Variants in IKBIP observed in about 807,000 individuals in gnomAD.
IKBIP encodes the protein IKBKB interacting protein.
In IKBIP, 28 loss-of-function variants were observed where a neutral mutation model predicts 31.0. The observed-to-expected ratio is 0.90, with a 90% CI of 0.67 to 1.24. The LOEUF is 1.24. Ranked by LOEUF, IKBIP falls within the 50% of genes most tolerant of loss-of-function variation. The pLI is 0.00. For missense variants in IKBIP, 453 were observed against 441.9 expected (o/e 1.03, Z -0.23); for synonymous variants, 164 against 160.3 (o/e 1.02, Z -0.17).
chr12:98,632,483 GAAAAAAAAAAA>G (rs71081871), intron 2 of IKBIP, among the ~76,000 whole-genome samples: 21 of 11,500 alleles, frequency 1.8e-3, no homozygotes, highest in African/African-American at 6.2e-3. Context: ...GACTCTATCT[GAAAAAAAAAAA>G]AAAAAAAAAA....
At chr12:98,631,212 G>C (rs2097619883) in intron 2 of IKBIP, among the ~76,000 whole-genome samples, 1 of 151,594 alleles carries the variant, frequency 6.6e-6, no homozygotes, top group African/African-American at 2.4e-5. Context: ...GGGATTACAG[G>C]TGTGAGCCAC....
chr12:98,625,183 A>G lies in IKBIP; in HGVS notation c.*747T>C. ...GTTGGAACCTAAAACTCAGGTATAT[A>G]AAGATATTTCAAAGATTTATATACA... On this transcript the variant is annotated 3_prime_UTR_variant, in exon 3 of 3. Transcript: ENST00000299157. 1.0e-6 allele frequency: 1 copy of G among 984,316 alleles called. No homozygotes were observed. The highest frequency in any genetic ancestry group is 1.7e-5 in the African/African-American group (1 of 57,352). The allele number at this position is 984,316 out of a possible 1,614,324, so 61.0% of individuals were successfully genotyped here.
chr12:98,614,198 A>G (rs1361341597), exon 3 of IKBIP: 1 of 1,613,980 alleles, frequency 6.2e-7, no homozygotes. Flanking sequence ...AAGCGTCGTC[A>G]GACTGTTGTT....
chr12:98,641,808 C>T (rs1359697347), intron 1 of IKBIP, among the ~76,000 whole-genome samples: 21 of 151,910 alleles, frequency 1.4e-4, no homozygotes, highest in Non-Finnish European at 3.1e-4. Flanking sequence ...GCGAATGCCA[C>T]CACACTTGGC....
downstream of IKBIP, among the ~76,000 whole-genome samples, chr12:98,623,122 G>A (rs897742041): frequency 6.6e-6 from 1 of 150,830 alleles, no homozygotes; most frequent in African/African-American, 2.5e-5. Flanking sequence ...GGGATTACAG[G>A]CGCCTGCTAC....
chr12:98,620,451 C>T (rs1369658364), downstream of IKBIP, among the ~76,000 whole-genome samples: 2 of 152,002 alleles, frequency 1.3e-5, no homozygotes. Flanking sequence ...ACTGCAACCC[C>T]TGCCTCCTGG....
At chr12:98,621,162 T>C (rs1023523188), downstream of IKBIP, among the ~76,000 whole-genome samples, 3 of 152,094 alleles carry the variant, frequency 2.0e-5, no homozygotes, top group South Asian at 2.1e-4. Flanking sequence ...GGCAGGAGAA[T>C]TGCTTAAACC....
intron 2 of IKBIP, among the ~76,000 whole-genome samples, chr12:98,616,021 G>A (rs1338228450): frequency 1.3e-5 from 2 of 151,960 alleles, no homozygotes; most frequent in Non-Finnish European, 2.9e-5. Flanking sequence ...CCAGAAGTGG[G>A]ATTGCTGGAT....
chr12:98,631,058 G>C (rs1003172533), intron 2 of IKBIP, among the ~76,000 whole-genome samples: 1 of 151,168 alleles, frequency 6.6e-6, no homozygotes, highest in Admixed American at 6.6e-5. Flanking sequence ...TCAGCCTCCC[G>C]AGTAGCTGGG....
chr12:98,621,882 C>T (rs1390660466), downstream of IKBIP, among the ~76,000 whole-genome samples: 1 of 151,812 alleles, frequency 6.6e-6, no homozygotes, highest in African/African-American at 2.4e-5. Context: ...TCGAGACCAT[C>T]CTGGCCAACA....
At chr12:98,616,843 T>A (rs1399765162) in intron 2 of IKBIP, among the ~76,000 whole-genome samples, 2 of 152,212 alleles carry the variant, frequency 1.3e-5, no homozygotes, top group Non-Finnish European at 2.9e-5. Context: ...TCTATGTTTT[T>A]TTTTTAAATG....
chr12:98,620,372 A>AT (rs879561952), downstream of IKBIP, among the ~76,000 whole-genome samples: 562 of 142,556 alleles, frequency 3.9e-3, 1 homozygote, highest in South Asian at 0.014. Context: ...TTGCTAAAGG[A>AT]TTTTTTTTTT....
chr12:98,625,229 T>C lies in IKBIP; in HGVS notation c.*701A>G. The stretch of plus-strand genomic sequence containing the variant: ...ATACACATAATTCCTAAGAAAGGCC[T>C]TATGTAAGAACATACTTACTCTGAT... On this transcript the variant is annotated 3_prime_UTR_variant, in exon 3 of 3. Coordinates refer to ENST00000299157, the MANE Select transcript of IKBIP (RefSeq NM_153687.4). 2.0e-6 allele frequency: 2 copies of C among 977,348 alleles called. No individual in the cohort carries two copies. Among genetic ancestry groups the C allele is most frequent in the Non-Finnish European group, 1.2e-6 (1 of 822,554 alleles). The allele number at this position is 977,348 out of a possible 1,614,324, so 60.5% of individuals were successfully genotyped here. A position where few individuals can be genotyped will look rare whatever the true frequency, so the allele number is the denominator to read the frequency against.
At chr12:98,617,259 A>C (rs1394046026) in intron 2 of IKBIP, among the ~76,000 whole-genome samples, 1 of 152,240 alleles carries the variant, frequency 6.6e-6, no homozygotes, top group Non-Finnish European at 1.5e-5. Flanking sequence ...TTCTGATTCC[A>C]AATGCAGCTG....
chr12:98,632,797 T>C (rs956419545), intron 2 of IKBIP, among the ~76,000 whole-genome samples: 3 of 151,538 alleles, frequency 2.0e-5, no homozygotes, highest in Non-Finnish European at 4.4e-5. Flanking sequence ...GCTAATATTT[T>C]TGTATTTTTA....
chr12:98,619,949 C>T (rs1402730456), downstream of IKBIP, among the ~76,000 whole-genome samples: 1 of 150,344 alleles, frequency 6.7e-6, no homozygotes, highest in Non-Finnish European at 1.5e-5. Context: ...GATGGAGTCT[C>T]ACTCTATTGC....
At position 98,638,292 on chromosome 12, in the gene IKBIP, A is replaced by C. The variant is rs528507074; in HGVS notation, c.180-3879T>G. Among the ~76,000 whole-genome samples, 11 of 152,054 alleles carry C rather than the reference A, an allele frequency of 7.2e-5. No individual in the cohort carries two copies. The East Asian group carries it at 2.1e-3, about 30-fold the overall frequency. On this transcript the variant is annotated intron_variant, in intron 1 of 2. Coordinates refer to ENST00000299157, the MANE Select transcript of IKBIP (RefSeq NM_153687.4). ...TGAAGTGGGGATAATACCTTATTTT[A>C]ATCTTATTTTTTAAAGACAAGATCT...
chr12:98,613,783 A>T lies in IKBIP; in HGVS notation c.855T>A (p.Tyr285Ter). The change falls in exon 3 of 3, where the codon TAT (tyrosine) becomes TAA (stop). Residue 285 changes from tyrosine (Y) to a stop codon, truncating the protein, a stop_gained. Coordinates refer to the IKBIP transcript ENST00000342502. LOFTEE classifies it high-confidence loss of function. ...AACGGGAAAAGTCCTTCTTTAGATT[A>T]TACACCTTTGGTTTTAGATCATTTG... The T allele has an allele frequency of 1.2e-6, 2 of 1,611,080 alleles. No homozygotes were observed. Among genetic ancestry groups the T allele is most frequent in the Non-Finnish European group, 8.5e-7 (1 of 1,179,048 alleles).
exon 3 of IKBIP, chr12:98,614,094 T>A (rs764743770): frequency 6.2e-7 from 1 of 1,613,124 alleles, no homozygotes; most frequent in East Asian, 2.2e-5. Context: ...AAACCTGAAA[T>A]CCGTCGTATA....
Sources: gnomAD v4.1 joint callset for allele counts (sites outside exome capture counted in the v4.1 genomes callset) on GRCh38, gnomAD v4.1.1 for gene constraint, MANE v1.5 for transcripts, NCBI Gene and HGNC (gene_info 2026-07-23, HGNC 2026-07-21) for gene names.